SLC41A3: variants seen among roughly 807,000 people sequenced by gnomAD.
The protein encoded by SLC41A3 is solute carrier family 41 member 3.
A neutral mutation model predicts 45.4 loss-of-function variants in SLC41A3; 44 were observed. The observed-to-expected ratio is 0.97, with a 90% CI of 0.76 to 1.25. SLC41A3 has a LOEUF of 1.25. SLC41A3 is among the 50% of genes most tolerant of loss of function. The pLI is 0.00. For missense variants in SLC41A3, 550 were observed against 600.6 expected, an observed-to-expected ratio of 0.92 and a Z score of 0.88; for synonymous variants, 256 against 252.4, an observed-to-expected ratio of 1.01 and a Z score of -0.13.
intron 1 of SLC41A3, among the ~76,000 whole-genome samples, chr3:126,075,144 C>T (rs1284892675): frequency 6.6e-6 from 1 of 152,120 alleles, no homozygotes; most frequent in Non-Finnish European, 1.5e-5. Flanking sequence ...TGAGGTCTTG[C>T]TATGTTGCCC....
rs1297148508 is a variant in SLC41A3, at chr3:126,041,008, TA to T, written c.382-7331del. On this transcript the variant is annotated intron_variant, in intron 3 of 10. Transcript: ENST00000360370. Reference sequence around the variant, plus strand: ...TGAGATGTCAGAGAATGGTCCTTCATAAATAAAAAGATAATTTTTAAGATTC... The same window carrying T: ...TGAGATGTCAGAGAATGGTCCTTCATAATAAAAAGATAATTTTTAAGATTC... 3.9e-5 allele frequency among the ~76,000 whole-genome samples: 6 copies of T among 152,286 alleles called. No individual in the cohort carries two copies. In the East Asian group the frequency reaches 1.2e-3, roughly 29 times the overall value.
chr3:126,046,066 C>CT lies in SLC41A3; in HGVS notation c.381+4876_381+4877insA, dbSNP rs766174590. 2.4e-3 allele frequency among the ~76,000 whole-genome samples: 368 copies of CT among 150,956 alleles called. 5 individuals are homozygous for CT. The highest frequency in any genetic ancestry group is 0.022 in the East Asian group (113 of 5,132). On this transcript the variant is annotated intron_variant, in intron 3 of 10. Transcript: ENST00000360370. The stretch of plus-strand genomic sequence containing the variant: ...TTCTGTGATTAAAAAAAAAAAACAC[C>CT]CAACAAACTAGAAATAAAAGGAAAC...
chr3:126,016,889 AG>A lies in SLC41A3; in HGVS notation c.746-15del, dbSNP rs545639093. 2.6e-4 allele frequency: 426 copies of A among 1,609,238 alleles called. 2 individuals carry two copies. In the African/African-American group the frequency reaches 4.0e-3, roughly 15 times the overall value. ...GATACCGACTATCTGAAAGGAGAAC[AG>A]GGACACACGCAGCTCATGTGGCCAA... On this transcript the variant is annotated splice_polypyrimidine_tract_variant and intron_variant, in intron 6 of 10. Coordinates refer to ENST00000360370, the MANE Select transcript of SLC41A3 (RefSeq NM_017836.4).
rs551373914 is a variant in SLC41A3, at chr3:126,024,294, C to A, written c.599-1362G>T. On this transcript the variant is annotated intron_variant, in intron 5 of 10. Transcript: ENST00000360370. The stretch of plus-strand genomic sequence containing the variant: ...GAATGGTGTTCTCTACAAGTCCCTG[C>A]AAAGACAGGGCTGGCCTTCAGGACT... 16 of 152,356 alleles carry A rather than the reference C, an allele frequency of 1.1e-4. No individual in the cohort carries two copies. The East Asian group carries it at 2.9e-3, about 28-fold the overall frequency. 9.4% of individuals were successfully genotyped at this position (152,356 alleles called of 1,614,324 possible). A position where few individuals can be genotyped will look rare whatever the true frequency, so the allele number is the denominator to read the frequency against.
At chr3:126,033,562 T>TG (rs1941961781) in intron 4 of SLC41A3, 45 bp downstream of exon 4, 4 of 1,596,526 alleles carry the variant, frequency 2.5e-6, no homozygotes, top group Non-Finnish European at 3.4e-6. Flanking sequence ...TGGGGAAGCC[T>TG]GGCTGCAGAT....
At chr3:126,019,013 T>G (rs1281722354) in intron 6 of SLC41A3, among the ~76,000 whole-genome samples, 1 of 152,214 alleles carries the variant, frequency 6.6e-6, no homozygotes, top group Non-Finnish European at 1.5e-5. Flanking sequence ...TTGTTGCTTA[T>G]AACAGAACAC....
At chr3:126,053,487 C>T (rs541720005) in intron 2 of SLC41A3, among the ~76,000 whole-genome samples, 151 of 152,286 alleles carry the variant, frequency 9.9e-4, no homozygotes, top group African/African-American at 3.5e-3. Context: ...TACTGGGTGA[C>T]ACTGTTAATC....
At chr3:126,056,961 G>A in intron 2 of SLC41A3, 1 of 1,052,188 alleles carries the variant, frequency 9.5e-7, no homozygotes, top group Non-Finnish European at 1.1e-6. Flanking sequence ...GGGCTGGACA[G>A]AGCTGAAGCC....
intron 10 of SLC41A3, 87 bp downstream of exon 10, chr3:126,008,645 C>T: frequency 1.9e-6 from 3 of 1,573,446 alleles, no homozygotes; most frequent in Non-Finnish European, 8.7e-7. Context: ...CCCCACCCGC[C>T]TCCCTCAGCC....
At chr3:126,071,680 C>A (rs181653215) in intron 1 of SLC41A3, among the ~76,000 whole-genome samples, 12 of 151,698 alleles carry the variant, frequency 7.9e-5, no homozygotes, top group African/African-American at 2.9e-4. Flanking sequence ...TGAAATCATA[C>A]AAAATATGTT....
At chr3:126,075,518 T>C (rs1944840637) in intron 1 of SLC41A3, among the ~76,000 whole-genome samples, 1 of 141,142 alleles carries the variant, frequency 7.1e-6, no homozygotes, top group African/African-American at 2.6e-5. Flanking sequence ...GATTCTAAAA[T>C]GCAAATGGAA....
At chr3:126,034,859 CT>C (rs1942069344) in intron 3 of SLC41A3, among the ~76,000 whole-genome samples, 1 of 152,248 alleles carries the variant, frequency 6.6e-6, no homozygotes, top group Non-Finnish European at 1.5e-5. Context: ...AAAGACACTC[CT>C]TTCTCAAAAT....
rs1377020259 is a variant in SLC41A3 at position 126,016,729 on chromosome 3, A to G, written c.890+2T>C. ...GGGGCCGTGGCCCTGGCTCCTGCTC[A>G]CCTGCTGATGACCATGGCCAGGATG... is the stretch of plus-strand genomic sequence containing the variant. On this transcript the variant is annotated splice_donor_variant, in intron 7 of 10. Transcript: ENST00000360370. LOFTEE classifies it high-confidence loss of function. 2 of 1,606,082 alleles carry G rather than the reference A, an allele frequency of 1.2e-6. No individual in the cohort carries two copies.
chr3:126,072,694 G>A (rs1268786653), intron 1 of SLC41A3, among the ~76,000 whole-genome samples: 1 of 152,234 alleles, frequency 6.6e-6, no homozygotes, highest in East Asian at 1.9e-4. Flanking sequence ...TTCAGCCATT[G>A]TGGAAAGCAG....
intron 2 of SLC41A3, among the ~76,000 whole-genome samples, chr3:126,065,778 A>G (rs965942559): frequency 1.3e-5 from 2 of 152,240 alleles, no homozygotes; most frequent in African/African-American, 4.8e-5. Context: ...AAAAAAAGGA[A>G]ACATTTATAA....
chr3:126,057,497 A>G (rs931080446), intron 2 of SLC41A3, among the ~76,000 whole-genome samples: 2 of 152,306 alleles, frequency 1.3e-5, no homozygotes, highest in Middle Eastern at 3.4e-3. Context: ...CAGAAGCCCG[A>G]AGCTGGGGGT....
chr3:126,060,712 G>A (rs1166137794), intron 2 of SLC41A3, among the ~76,000 whole-genome samples: 1 of 152,194 alleles, frequency 6.6e-6, no homozygotes. Context: ...AAAATCAAAA[G>A]TGTGGTTTTA....
chr3:126,057,700 C>T lies in SLC41A3; in HGVS notation c.274-6650G>A, dbSNP rs551916870. ...TCCTACCGGCCTCCCCAAGGCTGTC[C>T]CTGCAACCGAACTCCAGACGAATTT... On this transcript the variant is annotated intron_variant, in intron 2 of 10. Coordinates refer to ENST00000360370, the MANE Select transcript of SLC41A3 (RefSeq NM_017836.4). Among the ~76,000 whole-genome samples the T allele has an allele frequency of 2.6e-5, 4 of 152,276 alleles. No individual in the cohort carries two copies. In the East Asian group the frequency reaches 7.7e-4, roughly 29 times the overall value.
chr3:126,033,736 C>T, intron 3 of SLC41A3, 58 bp from the exon 4 acceptor site: 3 of 1,551,880 alleles, frequency 1.9e-6, no homozygotes, highest in Admixed American at 1.9e-5. Context: ...CCAGGTCAAC[C>T]CTTCCTGGGA....
Sources: allele counts gnomAD v4.1 joint callset (sites outside exome capture counted in the v4.1 genomes callset), GRCh38; gene constraint gnomAD v4.1.1; transcripts MANE v1.5; gene names NCBI Gene and HGNC (gene_info 2026-07-23, HGNC 2026-07-21).